Variants in RDX observed in about 807,000 individuals in gnomAD.
RDX encodes the protein deafness, autosomal recessive 24.
A neutral mutation model predicts 83.7 loss-of-function variants in RDX; 32 were observed. That is an observed-to-expected ratio of 0.38 (90% CI 0.29 to 0.51). The LOEUF is 0.51. RDX is among the 20% of genes least tolerant of loss of function. The pLI, the probability that RDX is intolerant of heterozygous loss-of-function variation, is 0.87. For missense variants in RDX, 600 were observed against 689.9 expected, an observed-to-expected ratio of 0.87 and a Z score of 1.46; for synonymous variants, 229 against 222.7, an observed-to-expected ratio of 1.03 and a Z score of -0.25.
At chr11:110,188,362 C>A (rs1488976095) in intron 15 of RDX, among the ~76,000 whole-genome samples, 1 of 151,228 alleles carries the variant, frequency 6.6e-6, no homozygotes, top group African/African-American at 2.4e-5. Context: ...TTCGCAGCAA[C>A]CTGGATGGAG....
At chr11:110,187,199 A>T (rs1863004901) in intron 15 of RDX, among the ~76,000 whole-genome samples, 1 of 152,206 alleles carries the variant, frequency 6.6e-6, no homozygotes, top group Non-Finnish European at 1.5e-5. Flanking sequence ...TATTTGGAGC[A>T]GCTGCTCACC....
intron 1 of RDX, among the ~76,000 whole-genome samples, chr11:110,281,793 A>C (rs1860772577): frequency 6.6e-6 from 1 of 151,982 alleles, no homozygotes; most frequent in South Asian, 2.1e-4. Flanking sequence ...TTCAGGTCTT[A>C]TCATCTCAGG....
rs57470932 is a variant in RDX at position 110,254,532 on chromosome 11, G to C, written c.796-423C>G. 3.3e-5 allele frequency among the ~76,000 whole-genome samples: 5 copies of C among 151,522 alleles called. No homozygotes were observed. The East Asian group carries it at 9.7e-4, about 29-fold the overall frequency. Reference sequence around the variant, plus strand: ...TTGCTGTCATCCAGGCTGGAGTGCAGTGGTGCCATCTCAGTGCACTCCAAC... The same window carrying C: ...TTGCTGTCATCCAGGCTGGAGTGCACTGGTGCCATCTCAGTGCACTCCAAC... On this transcript the variant is annotated intron_variant, in intron 8 of 13. Coordinates refer to ENST00000645495, the MANE Select transcript of RDX (RefSeq NM_002906.4).
At chr11:110,197,024 G>A (rs549415534) in intron 15 of RDX, among the ~76,000 whole-genome samples, 61 of 152,192 alleles carry the variant, frequency 4.0e-4, no homozygotes, top group East Asian at 1.5e-3. Context: ...TCAGCCTCCC[G>A]AGTAGCTGGG....
chr11:110,179,273 T>C (rs1202209355), intron 15 of RDX, among the ~76,000 whole-genome samples: 2 of 152,218 alleles, frequency 1.3e-5, no homozygotes, highest in Admixed American at 1.3e-4. Flanking sequence ...ACACGTGGAA[T>C]CCTGGGCCTG....
At chr11:110,180,456 CCT>C (rs1372929435) in intron 15 of RDX, among the ~76,000 whole-genome samples, 1 of 152,142 alleles carries the variant, frequency 6.6e-6, no homozygotes, top group Non-Finnish European at 1.5e-5. Context: ...GCTGGAGTCC[CCT>C]GTCACCAATC....
rs561383944 is a variant in RDX at position 110,207,259 on chromosome 11, C to T, written c.1749-7581G>A. On this transcript the variant is annotated intron_variant, in intron 14 of 15. Transcript: ENST00000528498. Reference sequence around the variant, plus strand: ...AACATGCTGGGATTACAGGCCTGAGCCACCGCACCTGGCCATAAATGCACA... The same window carrying T: ...AACATGCTGGGATTACAGGCCTGAGTCACCGCACCTGGCCATAAATGCACA... Among the ~76,000 whole-genome samples, 119 of 152,308 alleles carry T rather than the reference C, an allele frequency of 7.8e-4. 1 individual carries two copies. In the South Asian group the frequency reaches 0.023, roughly 30 times the overall value.
intron 9 of RDX, among the ~76,000 whole-genome samples, chr11:110,248,562 T>C (rs1859206885): frequency 6.6e-6 from 1 of 152,124 alleles, no homozygotes; most frequent in African/African-American, 2.4e-5. Flanking sequence ...GTCAAATATA[T>C]ATTCCTGCAT....
chr11:110,287,777 G>A (rs1283810172), intron 1 of RDX, among the ~76,000 whole-genome samples: 1 of 152,122 alleles, frequency 6.6e-6, no homozygotes, highest in Non-Finnish European at 1.5e-5. Flanking sequence ...GCCCAAGACA[G>A]GTGTTACAAT....
At chr11:110,201,615 T>C (rs1187770335) in intron 14 of RDX, among the ~76,000 whole-genome samples, 1 of 152,240 alleles carries the variant, frequency 6.6e-6, no homozygotes, top group African/African-American at 2.4e-5. Context: ...GAGCTGGATA[T>C]TCACAACACA....
chr11:110,247,390 G>GT (rs948078276), intron 10 of RDX, among the ~76,000 whole-genome samples: 5 of 151,872 alleles, frequency 3.3e-5, no homozygotes, highest in Admixed American at 2.6e-4. Flanking sequence ...TTGCATATGT[G>GT]TTTTTTGTTT....
chr11:110,282,415 T>C (rs1860799610), intron 1 of RDX, among the ~76,000 whole-genome samples: 1 of 152,188 alleles, frequency 6.6e-6, no homozygotes, highest in South Asian at 2.1e-4. Flanking sequence ...TTCCTTTTTT[T>C]TTTGATATGA....
At chr11:110,291,301 T>A (rs767382671) in intron 1 of RDX, among the ~76,000 whole-genome samples, 2 of 151,980 alleles carry the variant, frequency 1.3e-5, no homozygotes, top group Non-Finnish European at 2.9e-5. Flanking sequence ...CATGCCACTG[T>A]ACTCCAGCAG....
intron 14 of RDX, among the ~76,000 whole-genome samples, chr11:110,220,683 G>A (rs1250222646): frequency 6.6e-6 from 1 of 151,952 alleles, no homozygotes; most frequent in Non-Finnish European, 1.5e-5. Flanking sequence ...ATTTTTAGTA[G>A]AGCAGGGTTC....
At chr11:110,183,164 T>G (rs1243965880) in intron 15 of RDX, among the ~76,000 whole-genome samples, 1 of 152,078 alleles carries the variant, frequency 6.6e-6, no homozygotes, top group Non-Finnish European at 1.5e-5. Flanking sequence ...AGAAATATGG[T>G]GGGTACAGGG....
At chr11:110,295,308 T>TAAAA (rs200732024) in intron 1 of RDX, among the ~76,000 whole-genome samples, 7 of 127,310 alleles carry the variant, frequency 5.5e-5, no homozygotes, top group Non-Finnish European at 6.5e-5. Flanking sequence ...TTTAGTGTTC[T>TAAAA]AAAAAAAAAA....
chr11:110,289,689 G>A (rs541265664), intron 1 of RDX, among the ~76,000 whole-genome samples: 83 of 152,076 alleles, frequency 5.5e-4, no homozygotes, highest in Admixed American at 1.0e-3. Context: ...AGCCAAGGCG[G>A]GTGAATCACT....
intron 14 of RDX, among the ~76,000 whole-genome samples, chr11:110,218,728 C>G (rs939529897): frequency 6.6e-6 from 1 of 152,220 alleles, no homozygotes; most frequent in South Asian, 2.1e-4. Context: ...TATGCAGTTA[C>G]TTCTTTCCAG....
chr11:110,282,293 A>G (rs1399171381), intron 1 of RDX, among the ~76,000 whole-genome samples: 4 of 152,186 alleles, frequency 2.6e-5, no homozygotes, highest in African/African-American at 9.7e-5. Context: ...CAATCACTAA[A>G]GGTTTTATCC....
Sources: allele counts gnomAD v4.1 joint callset (sites outside exome capture counted in the v4.1 genomes callset), GRCh38; gene constraint gnomAD v4.1.1; transcripts MANE v1.5; gene names NCBI Gene and HGNC (gene_info 2026-07-23, HGNC 2026-07-21).